Variants in TTC7B observed in about 807,000 individuals in gnomAD.
TTC7B encodes the protein tetratricopeptide repeat domain 7B.
In TTC7B, 28 loss-of-function variants were observed where a neutral mutation model predicts 106.8. That is an observed-to-expected ratio of 0.26 (90% confidence interval 0.19 to 0.36). TTC7B has a LOEUF of 0.36. Ranked by LOEUF, TTC7B falls within the 10% of genes least tolerant of loss-of-function variation. TTC7B has a pLI of 1.00. For synonymous variants in TTC7B, 405 were observed against 430.6 expected, an observed-to-expected ratio of 0.94 and a Z score of 0.74; for missense variants, 862 against 1,076.4, an observed-to-expected ratio of 0.80 and a Z score of 2.79.
chr14:90,816,092 C>A, intron 1 of TTC7B, 83 bp downstream of exon 1: 1 of 973,934 alleles, frequency 1.0e-6, no homozygotes, highest in African/African-American at 1.8e-5. Flanking sequence ...GCCCGCGCCC[C>A]GCGCCCGGCC....
At chr14:90,786,927 A>G (rs1037349960) in intron 1 of TTC7B, among the ~76,000 whole-genome samples, 25 of 152,158 alleles carry the variant, frequency 1.6e-4, no homozygotes, top group Admixed American at 4.6e-4. Flanking sequence ...TTCAGTAGGA[A>G]AAAAACAAAG....
At chr14:90,563,462 C>T (rs1354799444) in intron 19 of TTC7B, among the ~76,000 whole-genome samples, 6 of 152,208 alleles carry the variant, frequency 3.9e-5, no homozygotes, top group Non-Finnish European at 7.3e-5. Context: ...AAAATGTTAA[C>T]AATCATGTGA....
chr14:90,609,919 C>G (rs1892805637), intron 17 of TTC7B, among the ~76,000 whole-genome samples: 1 of 152,162 alleles, frequency 6.6e-6, no homozygotes, highest in Admixed American at 6.5e-5. Flanking sequence ...GTGGAAAATT[C>G]CACACCTGAT....
At chr14:90,580,321 A>T (rs1286484) in intron 18 of TTC7B, among the ~76,000 whole-genome samples, 2 of 152,098 alleles carry the variant, frequency 1.3e-5, no homozygotes, top group African/African-American at 4.8e-5. Flanking sequence ...CATTTTATCT[A>T]CATGGTGATC....
At chr14:90,672,958 C>T (rs1000374601) in intron 9 of TTC7B, among the ~76,000 whole-genome samples, 8 of 152,266 alleles carry the variant, frequency 5.3e-5, no homozygotes, top group African/African-American at 1.7e-4. Context: ...ATTATTACCC[C>T]TATTTAACAG....
intron 5 of TTC7B, chr14:90,699,479 C>T (rs1887898822): frequency 6.0e-6 from 2 of 335,680 alleles, no homozygotes; most frequent in Non-Finnish European, 1.2e-5. Flanking sequence ...CAAAATCTGA[C>T]CTAGGCACCA....
chr14:90,788,020 C>A (rs1891451097), intron 1 of TTC7B, among the ~76,000 whole-genome samples: 1 of 152,136 alleles, frequency 6.6e-6, no homozygotes, highest in Non-Finnish European at 1.5e-5. Context: ...GGAAAACTAG[C>A]CAGGCATGGT....
At chr14:90,706,649 C>T (rs1320451907) in intron 5 of TTC7B, among the ~76,000 whole-genome samples, 1 of 152,170 alleles carries the variant, frequency 6.6e-6, no homozygotes, top group African/African-American at 2.4e-5. Flanking sequence ...TCAAACTATC[C>T]TATATTTGAC....
chr14:90,553,646 T>C (rs551088419), intron 19 of TTC7B, among the ~76,000 whole-genome samples: 1 of 152,360 alleles, frequency 6.6e-6, no homozygotes, highest in South Asian at 2.1e-4. Flanking sequence ...CCCCGTTCTC[T>C]TTCCACTTGA....
At chr14:90,590,062 G>A (rs917038393) in intron 18 of TTC7B, among the ~76,000 whole-genome samples, 3 of 152,162 alleles carry the variant, frequency 2.0e-5, no homozygotes, top group African/African-American at 4.8e-5. Context: ...GCACAGAACC[G>A]GTGACAGTGG....
At chr14:90,677,964 C>A in intron 8 of TTC7B, 1 of 359,820 alleles carries the variant, frequency 2.8e-6, no homozygotes, top group Admixed American at 4.1e-5. Context: ...AGGAGTCCCT[C>A]TTGAGCCCAA....
chr14:90,630,985 C>T (rs1282402413), intron 15 of TTC7B, among the ~76,000 whole-genome samples: 3 of 152,118 alleles, frequency 2.0e-5, no homozygotes, highest in Non-Finnish European at 4.4e-5. Flanking sequence ...CAGGCGCCTG[C>T]CACCACGCCC....
At chr14:90,754,764 C>T (rs1890236750) in intron 3 of TTC7B, among the ~76,000 whole-genome samples, 1 of 151,798 alleles carries the variant, frequency 6.6e-6, no homozygotes, top group Non-Finnish European at 1.5e-5. Flanking sequence ...CCGGGAACCG[C>T]CAATCTGCTT....
At chr14:90,793,597 GT>G (rs1222585631) in intron 1 of TTC7B, among the ~76,000 whole-genome samples, 1 of 137,434 alleles carries the variant, frequency 7.3e-6, no homozygotes, top group Non-Finnish European at 1.6e-5. Flanking sequence ...TTGTTTGTTT[GT>G]TTTTTTCTTT....
chr14:90,711,796 A>G (rs1888459681), intron 5 of TTC7B, among the ~76,000 whole-genome samples: 1 of 152,248 alleles, frequency 6.6e-6, no homozygotes, highest in South Asian at 2.1e-4. Context: ...CTAAAAAACT[A>G]TTTTTTAACA....
intron 9 of TTC7B, among the ~76,000 whole-genome samples, chr14:90,659,818 T>C (rs73326891): frequency 0.04 from 6,116 of 152,236 alleles, 378 homozygotes; most frequent in African/African-American, 0.14. Context: ...TAATTTTTCA[T>C]AGAGGCAACT....
At chr14:90,592,673 C>A (rs1406565820) in intron 18 of TTC7B, among the ~76,000 whole-genome samples, 3 of 151,074 alleles carry the variant, frequency 2.0e-5, no homozygotes, top group African/African-American at 7.3e-5. Context: ...TGCACCACTG[C>A]ACTCCAGCCT....
intron 18 of TTC7B, among the ~76,000 whole-genome samples, chr14:90,592,711 A>C (rs1163355090): frequency 6.6e-6 from 1 of 151,456 alleles, no homozygotes; most frequent in Non-Finnish European, 1.5e-5. Flanking sequence ...TCTGTCTCAA[A>C]AAAAAAAAAA....
intron 5 of TTC7B, among the ~76,000 whole-genome samples, chr14:90,719,193 A>G (rs991042011): frequency 2.0e-5 from 3 of 152,164 alleles, no homozygotes; most frequent in African/African-American, 7.2e-5. Context: ...AGGATTGCTT[A>G]GCCCTGGGAG....
Sources: allele counts gnomAD v4.1 joint callset (sites outside exome capture counted in the v4.1 genomes callset), GRCh38; gene constraint gnomAD v4.1.1; transcripts MANE v1.5; gene names NCBI Gene and HGNC (gene_info 2026-07-23, HGNC 2026-07-21).